TARS3: variants seen among roughly 807,000 people sequenced by gnomAD.
TARS3 encodes threonine--tRNA ligase 2, cytoplasmic.
Under a neutral mutation model 103.5 loss-of-function variants are expected in TARS3, and 94 were observed. That is an observed-to-expected ratio of 0.91 (90% CI 0.77 to 1.08). The LOEUF (loss-of-function observed/expected upper bound fraction) is 1.08, where lower values mean the gene tolerates loss of function less well. TARS3 is among the 50% of genes least tolerant of loss of function. The pLI is 0.00. For synonymous variants in TARS3, 416 were observed against 355.4 expected (o/e 1.17, Z -1.92); for missense variants, 952 against 995.2 (o/e 0.96, Z 0.58).
intron 18 of TARS3, chr15:101,655,866 C>T (rs1438225304): frequency 1.6e-6 from 2 of 1,282,012 alleles, no homozygotes; most frequent in South Asian, 1.2e-5. Flanking sequence ...ACCTGGCATA[C>T]CTGATGAGCC....
Position 101,718,720 on chromosome 15 carries a change from C to T in TARS3, c.566+2406G>A, listed in dbSNP as rs898873013. 5.3e-5 allele frequency among the ~76,000 whole-genome samples: 8 copies of T among 151,918 alleles called. No homozygotes were observed. The East Asian group carries it at 5.8e-4, about 11-fold the overall frequency. ...ATTAAACAAGGAGACAGGAGTGAGC[C>T]GAATAAAAAAGCCATGCAACAACAG... On this transcript the variant is annotated intron_variant, in intron 3 of 18. Transcript: ENST00000335968.
At chr15:101,685,711 G>A (rs1412994068) in intron 11 of TARS3, among the ~76,000 whole-genome samples, 185 bp downstream of exon 11, 1 of 152,108 alleles carries the variant, frequency 6.6e-6, no homozygotes, top group East Asian at 1.9e-4. Context: ...TCCCATACCT[G>A]CCAAAGATCA....
intron 5 of TARS3, among the ~76,000 whole-genome samples, chr15:101,710,907 G>A (rs764349669): frequency 1.3e-5 from 2 of 152,168 alleles, no homozygotes; most frequent in Non-Finnish European, 2.9e-5. Flanking sequence ...GAAGAGGAGG[G>A]AGGAAGTAGA....
intron 15 of TARS3, among the ~76,000 whole-genome samples, chr15:101,669,739 T>C (rs983949268): frequency 5.3e-5 from 8 of 152,226 alleles, no homozygotes; most frequent in African/African-American, 1.7e-4. Flanking sequence ...AGCAATAGTC[T>C]AGACCATATT....
chr15:101,716,344 A>G (rs1900158399), intron 3 of TARS3, among the ~76,000 whole-genome samples: 1 of 152,210 alleles, frequency 6.6e-6, no homozygotes, highest in African/African-American at 2.4e-5. Flanking sequence ...GGAAACCTGG[A>G]AAGCACAGAA....
At chr15:101,665,370 TTTTTG>T (rs1897541659) in intron 15 of TARS3, among the ~76,000 whole-genome samples, 1 of 152,228 alleles carries the variant, frequency 6.6e-6, no homozygotes, top group South Asian at 2.1e-4. Context: ...GTAACAATAT[TTTTTG>T]TTTTTACTTT....
chr15:101,698,367 A>AT (rs575544036), intron 10 of TARS3, among the ~76,000 whole-genome samples: 1,854 of 148,032 alleles, frequency 0.013, 22 homozygotes, highest in Non-Finnish European at 0.018. Flanking sequence ...TACATAAATA[A>AT]TTTTTTTTTT....
intron 10 of TARS3, among the ~76,000 whole-genome samples, chr15:101,686,817 A>G (rs1037766168): frequency 1.3e-5 from 2 of 151,954 alleles, no homozygotes; most frequent in Non-Finnish European, 2.9e-5. Context: ...AAAAAGCTGA[A>G]TAAGTAAGAA....
intron 12 of TARS3, among the ~76,000 whole-genome samples, chr15:101,679,140 T>A (rs1191488956): frequency 6.6e-6 from 1 of 152,204 alleles, no homozygotes; most frequent in Non-Finnish European, 1.5e-5. Flanking sequence ...TTGGAGTTTA[T>A]CCTGAACAGC....
At chr15:101,713,584 AC>A (rs1421054565) in intron 4 of TARS3, among the ~76,000 whole-genome samples, 1 of 152,130 alleles carries the variant, frequency 6.6e-6, no homozygotes, top group African/African-American at 2.4e-5. Flanking sequence ...TACTGGGCTT[AC>A]CCCTCACTGG....
Position 101,654,736 on chromosome 15 carries a change from G to C in TARS3, c.2261-6C>G. 6.2e-7 allele frequency: 1 copy of C among 1,612,232 alleles called. No homozygotes were observed. The highest frequency in any genetic ancestry group is 8.5e-7 in the Non-Finnish European group (1 of 1,179,372). On this transcript the variant is annotated splice_polypyrimidine_tract_variant and splice_region_variant and intron_variant, in intron 18 of 18. Coordinates refer to ENST00000335968, the MANE Select transcript of TARS3 (RefSeq NM_152334.3). Reference sequence around the variant, plus strand: ...CTTTTCCTTTTCTCCAACCACTGCAGAAAAGAAAGGTAAAGAAATGTATTT... The same window carrying C: ...CTTTTCCTTTTCTCCAACCACTGCACAAAAGAAAGGTAAAGAAATGTATTT...
chr15:101,674,871 T>C (rs972505022), intron 13 of TARS3, among the ~76,000 whole-genome samples: 1 of 151,936 alleles, frequency 6.6e-6, no homozygotes, highest in Admixed American at 6.6e-5. Flanking sequence ...CATGAACAGA[T>C]ACGTGTCCTT....
At chr15:101,696,496 G>GA (rs1441320012) in intron 10 of TARS3, among the ~76,000 whole-genome samples, 5 of 152,190 alleles carry the variant, frequency 3.3e-5, no homozygotes. Flanking sequence ...AACTATGAAA[G>GA]ACAGTAATGA....
intron 10 of TARS3, among the ~76,000 whole-genome samples, chr15:101,687,728 G>C (rs1898535438): frequency 1.3e-5 from 2 of 152,130 alleles, no homozygotes; most frequent in Non-Finnish European, 2.9e-5. Context: ...TTGTGATATT[G>C]ATACCTTAAC....
intron 10 of TARS3, among the ~76,000 whole-genome samples, chr15:101,694,662 G>T (rs147479425): frequency 6.6e-6 from 1 of 152,132 alleles, no homozygotes; most frequent in African/African-American, 2.4e-5. Flanking sequence ...CTCCAGCAAC[G>T]TACTTTAAAT....
At chr15:101,686,640 T>C (rs1898488744) in intron 10 of TARS3, among the ~76,000 whole-genome samples, 2 of 152,204 alleles carry the variant, frequency 1.3e-5, no homozygotes, top group South Asian at 2.1e-4. Context: ...ATTTAAACTT[T>C]CTTTAAAAAC....
chr15:101,660,794 C>T (rs547441559), intron 16 of TARS3, among the ~76,000 whole-genome samples: 2 of 152,286 alleles, frequency 1.3e-5, no homozygotes, highest in African/African-American at 4.8e-5. Context: ...CCACCAGTGG[C>T]CACTTTGCCC....
At chr15:101,687,293 C>T (rs1326315888) in intron 10 of TARS3, among the ~76,000 whole-genome samples, 3 of 152,122 alleles carry the variant, frequency 2.0e-5, no homozygotes, top group Non-Finnish European at 4.4e-5. Flanking sequence ...ATCCCAGCTA[C>T]TCAGGAGGCT....
intron 12 of TARS3, 151 bp from the exon 13 acceptor site, chr15:101,675,888 T>A (rs1284343620): frequency 4.7e-6 from 4 of 844,408 alleles, no homozygotes; most frequent in Non-Finnish European, 7.2e-6. Context: ...AATCCTGAGC[T>A]GAACCTTCGT....
Sources: allele counts gnomAD v4.1 joint callset (sites outside exome capture counted in the v4.1 genomes callset), GRCh38; gene constraint gnomAD v4.1.1; transcripts MANE v1.5; gene names NCBI Gene and HGNC (gene_info 2026-07-23, HGNC 2026-07-21).